Variants in CRACR2A observed in about 807,000 individuals in gnomAD.
CRACR2A encodes calcium release activated channel regulator 2A.
A neutral mutation model predicts 90.5 loss-of-function variants in CRACR2A; 79 were observed. That is an observed-to-expected ratio of 0.87 (90% CI 0.73 to 1.05). The LOEUF is 1.05. Ranked by LOEUF, CRACR2A falls within the 50% of genes least tolerant of loss-of-function variation. CRACR2A has a pLI of 0.00. For synonymous variants in CRACR2A, 338 were observed against 356.7 expected (o/e 0.95, Z 0.59); for missense variants, 823 against 897.2 (o/e 0.92, Z 1.06).
At chr12:3,634,870 T>A (rs1458794266) in intron 14 of CRACR2A, among the ~76,000 whole-genome samples, 1 of 151,932 alleles carries the variant, frequency 6.6e-6, no homozygotes, top group Admixed American at 6.6e-5. Flanking sequence ...AAAAAAAAAA[T>A]AACAACCAAC....
intron 4 of CRACR2A, among the ~76,000 whole-genome samples, chr12:3,689,213 G>A (rs1359944191): frequency 6.6e-6 from 1 of 152,172 alleles, no homozygotes; most frequent in African/African-American, 2.4e-5. Flanking sequence ...GCTCTAGCCA[G>A]GACTTCCTAT....
chr12:3,644,508 T>C (rs1591651345), intron 12 of CRACR2A, 87 bp downstream of exon 12: 3 of 1,350,078 alleles, frequency 2.2e-6, no homozygotes, highest in East Asian at 2.5e-5. Flanking sequence ...TGTCAGGACA[T>C]TGCTGGGCCA....
In CRACR2A at chr12:3,753,033, C is replaced by G. The variant is rs1329027680; in HGVS notation, c.-405G>C. ...ACGTTACCTTGGGCGTGTAGGCTTC[C>G]CGTGGACCTGCCCGCGCCGCCCGCT... On this transcript the variant is annotated 5_prime_UTR_variant, in exon 1 of 20. Coordinates refer to ENST00000440314, the MANE Select transcript of CRACR2A (RefSeq NM_001144958.2). 2 of 152,434 alleles carry G rather than the reference C, an allele frequency of 1.3e-5. No homozygotes were observed. Among genetic ancestry groups the G allele is most frequent in the African/African-American group, 4.8e-5 (2 of 41,464 alleles). 9.4% of individuals were successfully genotyped at this position (152,434 alleles called of 1,614,324 possible). A position where few individuals can be genotyped will look rare whatever the true frequency, so the allele number is the denominator to read the frequency against.
chr12:3,711,938 T>A lies in CRACR2A; in HGVS notation c.-37+1299A>T, dbSNP rs1946011459. ...TGAATCACTATGAGTTTGGATAGCA[T>A]ATTATTATCATGGATTTTAGTGGCT... On this transcript the variant is annotated intron_variant, in intron 3 of 19. Transcript: ENST00000440314. The surrounding 1 kb of genome is among the most constrained non-coding windows in gnomAD (Gnocchi z 4.3). Among the ~76,000 whole-genome samples the A allele has an allele frequency of 6.6e-6, 1 of 152,226 alleles. No individual in the cohort carries two copies. Among genetic ancestry groups the A allele is most frequent in the Non-Finnish European group, 1.5e-5 (1 of 68,040 alleles).
At chr12:3,705,232 C>T (rs964398408) in intron 3 of CRACR2A, among the ~76,000 whole-genome samples, 2 of 152,176 alleles carry the variant, frequency 1.3e-5, no homozygotes, top group African/African-American at 4.8e-5. Context: ...GGCCACTCTC[C>T]TCCCTCCAGA....
intron 6 of CRACR2A, among the ~76,000 whole-genome samples, chr12:3,678,519 T>C (rs1945378499): frequency 6.6e-6 from 1 of 151,970 alleles, no homozygotes; most frequent in South Asian, 2.1e-4. Flanking sequence ...GGGGAGCTGA[T>C]GGTGATAGGA....
intron 2 of CRACR2A, among the ~76,000 whole-genome samples, chr12:3,721,717 A>G (rs1946180437): frequency 1.3e-5 from 2 of 152,208 alleles, no homozygotes; most frequent in Admixed American, 6.5e-5. Flanking sequence ...AAAGACATGT[A>G]CACTGAAAAA....
At chr12:3,617,895 C>G (rs780219902) in intron 18 of CRACR2A, among the ~76,000 whole-genome samples, 2 of 152,236 alleles carry the variant, frequency 1.3e-5, no homozygotes, top group Non-Finnish European at 1.5e-5. Context: ...TCTACACCCA[C>G]AGGCCAGCTC....
intron 15 of CRACR2A, among the ~76,000 whole-genome samples, chr12:3,632,513 C>G (rs1054338613): frequency 3.3e-5 from 5 of 152,202 alleles, no homozygotes; most frequent in African/African-American, 1.2e-4. Context: ...CCCCTCCTGT[C>G]TGCACCAACC....
At chr12:3,616,322 G>C (rs1867680943) in intron 19 of CRACR2A, among the ~76,000 whole-genome samples, 1 of 152,368 alleles carries the variant, frequency 6.6e-6, no homozygotes, top group South Asian at 2.1e-4. Flanking sequence ...TGAATAGATG[G>C]AATGAAATGA....
chr12:3,733,973 A>ATTTTTAT (rs1555121377), intron 1 of CRACR2A, among the ~76,000 whole-genome samples: 4 of 99,796 alleles, frequency 4.0e-5, no homozygotes, highest in Non-Finnish European at 7.8e-5. Flanking sequence ...ATTTTGCCTT[A>ATTTTTAT]TTTTTTTTTT....
At chr12:3,638,011 A>G (rs910837045) in intron 14 of CRACR2A, 113 bp downstream of exon 14, 6 of 1,058,030 alleles carry the variant, frequency 5.7e-6, no homozygotes, top group Non-Finnish European at 5.4e-6. Context: ...GTGGTGAATC[A>G]TAAGACCTGC....
At position 3,711,569 on chromosome 12, in the gene CRACR2A, A is replaced by G. The variant is rs1421052628; in HGVS notation, c.-37+1668T>C. Among the ~76,000 whole-genome samples, 2 of 152,154 alleles carry G rather than the reference A, an allele frequency of 1.3e-5. No individual in the cohort carries two copies. Among genetic ancestry groups the G allele is most frequent in the African/African-American group, 2.4e-5 (1 of 41,432 alleles). On this transcript the variant is annotated intron_variant, in intron 3 of 19. Coordinates refer to ENST00000440314, the MANE Select transcript of CRACR2A (RefSeq NM_001144958.2). This position sits in a 1 kb window ranked among gnomAD's most constrained non-coding sequence, Gnocchi z 4.3. ...CTCATCAGAATGGCTTTTATCATCC[A>G]TATTCCCACCAGTGTACTGTTCAGG...
At chr12:3,745,825 T>TAACATA (rs1555123102) in intron 1 of CRACR2A, among the ~76,000 whole-genome samples, 3 of 100,486 alleles carry the variant, frequency 3.0e-5, no homozygotes, top group Non-Finnish European at 5.9e-5. Context: ...TAAAATAAAA[T>TAACATA]AAAGAAAGAA....
chr12:3,675,587 CATAA>C (rs1165525246), intron 6 of CRACR2A, among the ~76,000 whole-genome samples: 1 of 152,198 alleles, frequency 6.6e-6, no homozygotes, highest in Non-Finnish European at 1.5e-5. Context: ...ATTATGACTA[CATAA>C]ATAATACCCC....
chr12:3,676,382 T>G (rs1413108100), intron 6 of CRACR2A, among the ~76,000 whole-genome samples: 2 of 152,184 alleles, frequency 1.3e-5, no homozygotes, highest in African/African-American at 4.8e-5. Context: ...GACACCATGG[T>G]GACCTCCCAT....
At chr12:3,625,845 T>A (rs554567417) in intron 17 of CRACR2A, among the ~76,000 whole-genome samples, 1 of 151,776 alleles carries the variant, frequency 6.6e-6, no homozygotes, top group East Asian at 2.0e-4. Flanking sequence ...ATCCCTAACA[T>A]CCCTCCTGGT....
chr12:3,645,660 T>C (rs1243491528), intron 11 of CRACR2A, among the ~76,000 whole-genome samples: 1 of 152,184 alleles, frequency 6.6e-6, no homozygotes, highest in Non-Finnish European at 1.5e-5. Flanking sequence ...TGGAGGTCAT[T>C]GGCAACCTGG....
intron 11 of CRACR2A, among the ~76,000 whole-genome samples, chr12:3,645,899 G>A (rs1337781193): frequency 6.6e-6 from 1 of 152,206 alleles, no homozygotes; most frequent in East Asian, 1.9e-4. Context: ...AGATAAAACT[G>A]ACAATGGAGG....
Sources: allele counts gnomAD v4.1 joint callset (sites outside exome capture counted in the v4.1 genomes callset), GRCh38; gene constraint gnomAD v4.1.1; non-coding constraint Gnocchi (gnomAD v3.1); transcripts MANE v1.5; gene names NCBI Gene and HGNC (gene_info 2026-07-23, HGNC 2026-07-21).